Variants in RCL1 observed in about 807,000 individuals in gnomAD.
RCL1 encodes the protein RNA 3'-terminal phosphate cyclase-like protein.
RCL1 carries 24 observed loss-of-function variants against 42.4 expected under a neutral mutation model. That is an observed-to-expected ratio of 0.57 (90% confidence interval 0.41 to 0.80). The LOEUF is 0.80. RCL1 is among the 30% of genes least tolerant of loss of function. The pLI is 0.00. For missense variants in RCL1, 578 were observed against 467.9 expected (o/e 1.24, Z -2.17); for synonymous variants, 228 against 177.3 (o/e 1.29, Z -2.27).
chr9:4,820,961 C>G (rs1385260462), intron 1 of RCL1, among the ~76,000 whole-genome samples: 1 of 152,086 alleles, frequency 6.6e-6, no homozygotes, highest in African/African-American at 2.4e-5. Context: ...GTAGTTTATT[C>G]TGTTCTAATT....
rs573232346 is a variant in RCL1, at chr9:4,817,124, AT to A, written c.137-6417del. ...GAGCCACTGTTCCCGGCCAATAATT[AT>A]TTTTTTCTTTGAATGTTGGGGAAAA... On this transcript the variant is annotated intron_variant, in intron 1 of 8. Coordinates refer to ENST00000381750, the MANE Select transcript of RCL1 (RefSeq NM_005772.5). Among the ~76,000 whole-genome samples the A allele has an allele frequency of 4.5e-4, 45 of 100,740 alleles. No homozygotes were observed. In the South Asian group the frequency reaches 0.018, roughly 39 times the overall value. 66.1% of individuals were successfully genotyped at this position (100,740 alleles called of 152,430 possible).
intron 8 of RCL1, among the ~76,000 whole-genome samples, chr9:4,852,120 G>T (rs992660617): frequency 4.6e-5 from 7 of 152,024 alleles, no homozygotes; most frequent in African/African-American, 1.7e-4. Flanking sequence ...TGACCTCGTG[G>T]TCCACCCGCC....
chr9:4,844,384 T>C (rs1817437516), intron 6 of RCL1, 141 bp from the exon 7 acceptor site: 1 of 590,600 alleles, frequency 1.7e-6, no homozygotes, highest in African/African-American at 1.9e-5. Context: ...TAGTAGCAAC[T>C]CTATGAGGTT....
chr9:4,815,905 C>T (rs142621009), intron 1 of RCL1, among the ~76,000 whole-genome samples: 1 of 151,984 alleles, frequency 6.6e-6, no homozygotes, highest in Admixed American at 6.6e-5. Flanking sequence ...AGGGAGAAGT[C>T]CTTTTGGTTC....
At chr9:4,843,129 A>T (rs1817391892) in intron 6 of RCL1, among the ~76,000 whole-genome samples, 1 of 152,214 alleles carries the variant, frequency 6.6e-6, no homozygotes, top group Admixed American at 6.5e-5. Context: ...GGTTTTTTTA[A>T]ATCTCCAGTT....
chr9:4,854,401 T>C (rs1817862195), intron 8 of RCL1, among the ~76,000 whole-genome samples: 1 of 152,190 alleles, frequency 6.6e-6, no homozygotes, highest in Non-Finnish European at 1.5e-5. Context: ...CCTTTTCTTA[T>C]CTCCAGATCT....
At chr9:4,811,166 C>T (rs1816159379) in intron 1 of RCL1, among the ~76,000 whole-genome samples, 1 of 151,644 alleles carries the variant, frequency 6.6e-6, no homozygotes, top group African/African-American at 2.4e-5. Context: ...CCTATTGTCC[C>T]AGCTACTCAG....
At chr9:4,835,656 C>G (rs189115401) in intron 5 of RCL1, among the ~76,000 whole-genome samples, 2 of 152,314 alleles carry the variant, frequency 1.3e-5, no homozygotes, top group Admixed American at 1.3e-4. Flanking sequence ...GTAGATGAAG[C>G]AAAGTAATGA....
chr9:4,817,209 C>A (rs895696336), intron 1 of RCL1, among the ~76,000 whole-genome samples: 1 of 152,068 alleles, frequency 6.6e-6, no homozygotes, highest in Admixed American at 6.5e-5. Context: ...AAAAATTCTT[C>A]TTGTCTTCTT....
intron 1 of RCL1, among the ~76,000 whole-genome samples, chr9:4,815,505 T>G (rs1816341507): frequency 6.6e-6 from 1 of 151,968 alleles, no homozygotes; most frequent in Non-Finnish European, 1.5e-5. Context: ...AAGCATCAGA[T>G]CTGGCCCAGT....
intron 8 of RCL1, among the ~76,000 whole-genome samples, chr9:4,859,409 C>G (rs1056352345): frequency 6.6e-6 from 1 of 152,180 alleles, no homozygotes; most frequent in African/African-American, 2.4e-5. Flanking sequence ...TAGTCTCTAT[C>G]TATACCACTA....
intron 1 of RCL1, among the ~76,000 whole-genome samples, chr9:4,798,358 A>G (rs1842946248): frequency 6.6e-6 from 1 of 152,234 alleles, no homozygotes; most frequent in Non-Finnish European, 1.5e-5. Context: ...GACTTGAACA[A>G]GAGCAGTGAC....
At position 4,854,923 on chromosome 9, in the gene RCL1, CAT is replaced by C. The variant is rs572407312; in HGVS notation, c.972-5201_972-5200del. ...ACAAAATTAGCCGGGCGTGGTGGCACATGTCTCTAATCCCAGCTACTCGGGAG... is the reference window on the plus strand; with the variant it reads ...ACAAAATTAGCCGGGCGTGGTGGCACGTCTCTAATCCCAGCTACTCGGGAG... On this transcript the variant is annotated intron_variant, in intron 8 of 8. Transcript: ENST00000381750. Among the ~76,000 whole-genome samples, 23 of 152,086 alleles carry C rather than the reference CAT, an allele frequency of 1.5e-4. No homozygotes were observed. The South Asian group carries it at 4.8e-3, about 32-fold the overall frequency.
intron 2 of RCL1, 59 bp from the exon 3 acceptor site, chr9:4,826,799 C>G: frequency 6.9e-7 from 1 of 1,456,538 alleles, no homozygotes; most frequent in Non-Finnish European, 9.4e-7. Flanking sequence ...GCCTTCATTA[C>G]CTTTGTGACA....
chr9:4,855,734 T>G (rs1160656517), intron 8 of RCL1, among the ~76,000 whole-genome samples: 1 of 152,146 alleles, frequency 6.6e-6, no homozygotes, highest in African/African-American at 2.4e-5. Context: ...GATTCTGAAA[T>G]GTACCTTAAT....
intron 1 of RCL1, among the ~76,000 whole-genome samples, chr9:4,795,952 G>A (rs185028348): frequency 2.0e-5 from 3 of 152,218 alleles, no homozygotes; most frequent in East Asian, 3.9e-4. Context: ...TATTGTACAG[G>A]GGCTCAGTGG....
In RCL1 at chr9:4,826,865, C is replaced by T. The variant is rs1816779935; in HGVS notation, c.216C>T (p.Thr72=). The change falls in exon 3 of 9, where the codon ACC becomes ACT. Residue 72 remains threonine, a synonymous_variant. Coordinates refer to ENST00000381750, the MANE Select transcript of RCL1 (RefSeq NM_005772.5). ...SRIEINQTGT[T]LYYQPGLLYG... is the part of the protein sequence containing the mutation. ...TTTTTCTTCTGGTTTAAGGAACAAC[C>T]TTATATTATCAGCCTGGCCTCCTGT... 1 of 1,612,416 alleles carries T rather than the reference C, an allele frequency of 6.2e-7. No homozygotes were observed.
chr9:4,856,578 G>A (rs1164729320), intron 8 of RCL1, among the ~76,000 whole-genome samples: 1 of 152,164 alleles, frequency 6.6e-6, no homozygotes, highest in Non-Finnish European at 1.5e-5. Flanking sequence ...TGGGGAAGGG[G>A]ACAGTGATAC....
At position 4,818,544 on chromosome 9, in the gene RCL1, G is replaced by T. The variant is rs185296031; in HGVS notation, c.137-5004G>T. Reference sequence around the variant, plus strand: ...GAGGAAAGGAATGACTCCTAATTTTGCATGTTAACAGCTCACTGTCTTGTC... The same window carrying T: ...GAGGAAAGGAATGACTCCTAATTTTTCATGTTAACAGCTCACTGTCTTGTC... On this transcript the variant is annotated intron_variant, in intron 1 of 8. Transcript: ENST00000381750. Among the ~76,000 whole-genome samples, 6 of 152,104 alleles carry T rather than the reference G, an allele frequency of 3.9e-5. No individual in the cohort carries two copies. The South Asian group carries it at 1.2e-3, about 32-fold the overall frequency.
Sources: gnomAD v4.1 joint callset for allele counts (sites outside exome capture counted in the v4.1 genomes callset) on GRCh38, gnomAD v4.1.1 for gene constraint, MANE v1.5 for transcripts, NCBI Gene and HGNC (gene_info 2026-07-23, HGNC 2026-07-21) for gene names.